KCND2: variants seen among roughly 807,000 people sequenced by gnomAD.
The protein encoded by KCND2 is A-type voltage-gated potassium channel KCND2.
Under a neutral mutation model 54.4 loss-of-function variants are expected in KCND2, and 16 were observed. The ratio of observed to expected loss-of-function variants is 0.29; its 90% CI spans 0.20 to 0.45. KCND2 has a LOEUF of 0.45. Ranked by LOEUF, KCND2 falls within the 20% of genes least tolerant of loss-of-function variation. The probability of loss-of-function intolerance (pLI) is 1.00; values close to 1 mark genes in which losing one functional copy is unlikely to be tolerated. For synonymous variants in KCND2, 317 were observed against 310.7 expected, an observed-to-expected ratio of 1.02 and a Z score of -0.21; for missense variants, 486 against 824.2, an observed-to-expected ratio of 0.59 and a Z score of 5.02.
intron 1 of KCND2, among the ~76,000 whole-genome samples, chr7:120,628,636 A>C (rs940829795): frequency 6.6e-6 from 1 of 152,234 alleles, no homozygotes; most frequent in Non-Finnish European, 1.5e-5. Context: ...ATAAGAATAC[A>C]CTAATGAAAT....
At chr7:120,358,875 G>C (rs947919232) in intron 1 of KCND2, among the ~76,000 whole-genome samples, 2 of 152,124 alleles carry the variant, frequency 1.3e-5, no homozygotes, top group Admixed American at 1.3e-4. Context: ...ACAACTATAT[G>C]CAAATATTTT....
intron 1 of KCND2, among the ~76,000 whole-genome samples, chr7:120,394,645 T>C (rs1037301520): frequency 2.6e-5 from 4 of 151,968 alleles, no homozygotes; most frequent in Non-Finnish European, 4.4e-5. Context: ...ACTATTATCA[T>C]TGTGTCTTCA....
At chr7:120,711,089 A>G (rs1056740641) in intron 1 of KCND2, among the ~76,000 whole-genome samples, 4 of 152,112 alleles carry the variant, frequency 2.6e-5, no homozygotes, top group Admixed American at 2.0e-4. Flanking sequence ...AACTATGCAT[A>G]TGACACAAAA....
chr7:120,342,959 T>C (rs911661723), intron 1 of KCND2, among the ~76,000 whole-genome samples: 2 of 152,228 alleles, frequency 1.3e-5, no homozygotes, highest in South Asian at 2.1e-4. Flanking sequence ...AAGTGGTCTA[T>C]TGGGGTGGAG....
intron 1 of KCND2, among the ~76,000 whole-genome samples, chr7:120,422,051 T>A (rs962494563): frequency 2.6e-5 from 4 of 152,188 alleles, no homozygotes; most frequent in Non-Finnish European, 5.9e-5. Context: ...ATTAAGTTTA[T>A]GAAATGCTAA....
intron 1 of KCND2, among the ~76,000 whole-genome samples, chr7:120,616,518 A>G (rs563204973): frequency 1.3e-5 from 2 of 152,304 alleles, no homozygotes; most frequent in East Asian, 1.9e-4. Flanking sequence ...CTTCAAACCT[A>G]TTCATGTACT....
At chr7:120,575,365 C>T (rs1472071065) in intron 1 of KCND2, among the ~76,000 whole-genome samples, 2 of 152,186 alleles carry the variant, frequency 1.3e-5, no homozygotes, top group African/African-American at 4.8e-5. Context: ...GGGCAGGAAG[C>T]ATCCAGCACG....
intron 1 of KCND2, among the ~76,000 whole-genome samples, chr7:120,390,116 A>G (rs1801051281): frequency 6.6e-6 from 1 of 151,966 alleles, no homozygotes; most frequent in African/African-American, 2.4e-5. Context: ...ACCAGGTTCC[A>G]TAAATATAGT....
At chr7:120,732,804 C>CA (rs1792823782) in intron 1 of KCND2, 99 bp from the exon 2 acceptor site, 1 of 931,458 alleles carries the variant, frequency 1.1e-6, no homozygotes. Flanking sequence ...TAGATATGTC[C>CA]AAAAAATCAT....
At chr7:120,381,499 T>G (rs913106298) in intron 1 of KCND2, among the ~76,000 whole-genome samples, 1 of 152,162 alleles carries the variant, frequency 6.6e-6, no homozygotes, top group African/African-American at 2.4e-5. Flanking sequence ...GGCTACATTC[T>G]GCCAAATGCT....
intron 1 of KCND2, among the ~76,000 whole-genome samples, chr7:120,436,166 T>A (rs1801863042): frequency 6.6e-6 from 1 of 152,210 alleles, no homozygotes; most frequent in Non-Finnish European, 1.5e-5. Flanking sequence ...AAAAATATAT[T>A]CTTTCCAATA....
chr7:120,517,293 T>C (rs566184824), intron 1 of KCND2, among the ~76,000 whole-genome samples: 10 of 152,218 alleles, frequency 6.6e-5, no homozygotes, highest in Non-Finnish European at 1.3e-4. Context: ...TCAGTATCAT[T>C]TTTAGATAAA....
intron 1 of KCND2, among the ~76,000 whole-genome samples, chr7:120,367,507 GT>G (rs1287035407): frequency 6.6e-6 from 1 of 151,260 alleles, no homozygotes; most frequent in Admixed American, 6.6e-5. Flanking sequence ...AATAAGGCTC[GT>G]AAAGTAGGTG....
intron 1 of KCND2, among the ~76,000 whole-genome samples, chr7:120,307,434 T>G (rs1799665213): frequency 6.6e-6 from 1 of 152,164 alleles, no homozygotes; most frequent in African/African-American, 2.4e-5. Flanking sequence ...TTTCTGAAAC[T>G]TGTACAAAAT....
At chr7:120,699,047 G>A (rs191987448) in intron 1 of KCND2, among the ~76,000 whole-genome samples, 3,091 of 152,216 alleles carry the variant, frequency 0.02, 36 homozygotes, top group African/African-American at 0.03. Context: ...TTGGGAGGCC[G>A]AGGTGGGCGG....
At chr7:120,548,492 C>T (rs1277649595) in intron 1 of KCND2, among the ~76,000 whole-genome samples, 1 of 152,106 alleles carries the variant, frequency 6.6e-6, no homozygotes, top group Non-Finnish European at 1.5e-5. Context: ...TTCCCTCCAG[C>T]CTGCCAGGGT....
chr7:120,529,872 C>T (rs13236183), intron 1 of KCND2, among the ~76,000 whole-genome samples: 25 of 152,110 alleles, frequency 1.6e-4, no homozygotes, highest in Non-Finnish European at 2.5e-4. Flanking sequence ...CACTTGAGCG[C>T]GGAGCTCAAG....
At chr7:120,527,230 T>G (rs753994178) in intron 1 of KCND2, among the ~76,000 whole-genome samples, 48 of 152,080 alleles carry the variant, frequency 3.2e-4, no homozygotes, top group Non-Finnish European at 2.6e-4. Context: ...TAAATCAACT[T>G]TAATAAAAAC....
chr7:120,557,647 G>A (rs1200144210), intron 1 of KCND2, among the ~76,000 whole-genome samples: 3 of 151,950 alleles, frequency 2.0e-5, no homozygotes, highest in Non-Finnish European at 4.4e-5. Flanking sequence ...CCCACTATTT[G>A]TGCCAACAAC....
Sources: gnomAD v4.1 joint callset for allele counts (sites outside exome capture counted in the v4.1 genomes callset) on GRCh38, gnomAD v4.1.1 for gene constraint, MANE v1.5 for transcripts, NCBI Gene and HGNC (gene_info 2026-07-23, HGNC 2026-07-21) for gene names.